Variants in ALK observed in about 807,000 individuals in gnomAD.
ALK encodes ALK tyrosine kinase receptor.
In ALK, 74 loss-of-function variants were observed where a neutral mutation model predicts 163.1. The ratio of observed to expected loss-of-function variants is 0.45; its 90% confidence interval spans 0.38 to 0.55. The LOEUF is 0.55. ALK is among the 20% of genes least tolerant of loss of function. The pLI is 0.00. For synonymous variants in ALK, 960 were observed against 843.2 expected, an observed-to-expected ratio of 1.14 and a Z score of -2.40; for missense variants, 2,063 against 2,105.3, an observed-to-expected ratio of 0.98 and a Z score of 0.39.
intron 13 of ALK, 126 bp from the exon 14 acceptor site, chr2:29,233,822 G>A: frequency 7.9e-7 from 1 of 1,266,060 alleles, no homozygotes; most frequent in South Asian, 1.3e-5. Flanking sequence ...TTGAGTTGAG[G>A]AGGCAGAAAA....
intron 3 of ALK, among the ~76,000 whole-genome samples, chr2:29,645,276 T>C (rs2148249076): frequency 6.6e-6 from 1 of 152,236 alleles, no homozygotes; most frequent in African/African-American, 2.4e-5. Flanking sequence ...AGGATCAATA[T>C]TACACACGGA....
At chr2:29,351,341 G>A (rs940689643) in intron 5 of ALK, among the ~76,000 whole-genome samples, 2 of 152,172 alleles carry the variant, frequency 1.3e-5, no homozygotes, top group African/African-American at 4.8e-5. Context: ...TGAAGCCTTT[G>A]TGCTTCACTT....
chr2:29,556,708 A>C (rs545108331), intron 3 of ALK, among the ~76,000 whole-genome samples: 43 of 152,310 alleles, frequency 2.8e-4, no homozygotes, highest in Non-Finnish European at 1.2e-4. Flanking sequence ...TTAAATGTGG[A>C]AGTGACATTT....
chr2:29,353,933 G>A (rs1668179190), intron 5 of ALK, among the ~76,000 whole-genome samples: 1 of 152,176 alleles, frequency 6.6e-6, no homozygotes, highest in African/African-American at 2.4e-5. Context: ...TCAAAGGTAG[G>A]AAGATAAATG....
intron 4 of ALK, among the ~76,000 whole-genome samples, chr2:29,456,353 G>A (rs778982837): frequency 5.9e-5 from 9 of 151,910 alleles, no homozygotes; most frequent in South Asian, 2.1e-4. Context: ...AATGTGGCAC[G>A]CACACACACA....
chr2:29,523,086 G>A (rs1672856786), intron 4 of ALK, among the ~76,000 whole-genome samples: 1 of 152,160 alleles, frequency 6.6e-6, no homozygotes, highest in South Asian at 2.1e-4. Context: ...ACACATGAAA[G>A]TGAGCACTCA....
intron 2 of ALK, among the ~76,000 whole-genome samples, chr2:29,700,067 G>A (rs1678687063): frequency 6.6e-6 from 1 of 152,230 alleles, no homozygotes; most frequent in Non-Finnish European, 1.5e-5. Context: ...GAAGGTCAGT[G>A]ATTCTATAGG....
intron 11 of ALK, among the ~76,000 whole-genome samples, chr2:29,255,618 G>A (rs188664459): frequency 2.0e-5 from 3 of 152,152 alleles, no homozygotes; most frequent in African/African-American, 4.8e-5. Context: ...CCTCCTTCTC[G>A]GTCCAAGGGT....
chr2:29,319,036 G>T (rs1666925050), intron 7 of ALK: 1 of 154,584 alleles, frequency 6.5e-6, no homozygotes, highest in East Asian at 1.9e-4. Context: ...CCTTCCAGTG[G>T]TTTCTGTGAC....
At chr2:29,889,563 A>C (rs1464993503) in intron 1 of ALK, among the ~76,000 whole-genome samples, 1 of 152,058 alleles carries the variant, frequency 6.6e-6, no homozygotes, top group Admixed American at 6.6e-5. Context: ...TGTGGAGAGA[A>C]AGTGACAGCC....
chr2:29,412,075 G>A (rs1481266652), intron 4 of ALK, among the ~76,000 whole-genome samples: 1 of 152,182 alleles, frequency 6.6e-6, no homozygotes, highest in Non-Finnish European at 1.5e-5. Context: ...CAAATGTTAT[G>A]TCCAGGTAGT....
intron 13 of ALK, among the ~76,000 whole-genome samples, chr2:29,236,459 T>C (rs866092865): frequency 2.0e-5 from 3 of 152,204 alleles, no homozygotes; most frequent in Non-Finnish European, 2.9e-5. Context: ...CCAATATTTA[T>C]TGAGTACCTA....
At chr2:29,298,763 T>G (rs1666276941) in intron 8 of ALK, among the ~76,000 whole-genome samples, 1 of 152,130 alleles carries the variant, frequency 6.6e-6, no homozygotes, top group African/African-American at 2.4e-5. Context: ...GGCCCAGTGT[T>G]TATTTATCCT....
intron 1 of ALK, among the ~76,000 whole-genome samples, chr2:29,776,182 T>A: frequency 7.0e-6 from 1 of 143,292 alleles, no homozygotes; most frequent in Non-Finnish European, 1.5e-5. Context: ...GTAACCCTAA[T>A]ATGGAACTGT....
chr2:29,412,774 C>A (rs1362945757), intron 4 of ALK, among the ~76,000 whole-genome samples: 4 of 152,142 alleles, frequency 2.6e-5, no homozygotes, highest in Non-Finnish European at 5.9e-5. Flanking sequence ...TCAGGTCCAG[C>A]CTTGTTTTTT....
At chr2:29,889,695 C>CAGAGAGAGAGAGAGAGAG (rs869083201) in intron 1 of ALK, among the ~76,000 whole-genome samples, 1 of 101,872 alleles carries the variant, frequency 9.8e-6, no homozygotes, top group Non-Finnish European at 1.9e-5. Flanking sequence ...GATAGATAGA[C>CAGAGAGAGAGAGAGAGAG]AGAGAGAGAG....
At chr2:29,433,847 G>T (rs2148075949) in intron 4 of ALK, among the ~76,000 whole-genome samples, 1 of 152,250 alleles carries the variant, frequency 6.6e-6, no homozygotes, top group South Asian at 2.1e-4. Flanking sequence ...GCAATTAATG[G>T]ATACTGTTTA....
intron 3 of ALK, among the ~76,000 whole-genome samples, chr2:29,622,003 T>G (rs1676050869): frequency 6.6e-6 from 1 of 152,178 alleles, no homozygotes; most frequent in South Asian, 2.1e-4. Flanking sequence ...CACCTCACTA[T>G]GCTGCCAGAT....
At chr2:29,214,581 T>C (rs1448296161) in intron 23 of ALK, among the ~76,000 whole-genome samples, 1 of 152,186 alleles carries the variant, frequency 6.6e-6, no homozygotes. Flanking sequence ...AGCGCTAAAA[T>C]TGATTGAAAA....
Sources: allele counts gnomAD v4.1 joint callset (sites outside exome capture counted in the v4.1 genomes callset), GRCh38; gene constraint gnomAD v4.1.1; transcripts MANE v1.5; gene names NCBI Gene and HGNC (gene_info 2026-07-23, HGNC 2026-07-21).